PCDH15: variants seen among roughly 807,000 people sequenced by gnomAD.
PCDH15 encodes the protein protocadherin-15.
In PCDH15, 129 loss-of-function variants were observed where a neutral mutation model predicts 178.5. The ratio of observed to expected loss-of-function variants is 0.72; its 90% CI spans 0.63 to 0.84. PCDH15 has a LOEUF of 0.84. Among genes scored for constraint, PCDH15 ranks in the 40% least tolerant of loss-of-function variants. The pLI is 0.00. For synonymous variants in PCDH15, 800 were observed against 732.0 expected (o/e 1.09, Z -1.50); for missense variants, 2,230 against 2,099.9 (o/e 1.06, Z -1.21).
intron 26 of PCDH15, among the ~76,000 whole-genome samples, chr10:53,868,500 G>T (rs1174619574): frequency 1.3e-5 from 2 of 152,054 alleles, no homozygotes; most frequent in East Asian, 3.9e-4. Flanking sequence ...TATGCAGTAG[G>T]TACTAGCCAA....
At chr10:54,609,198 G>A (rs1028322100) in intron 2 of PCDH15, among the ~76,000 whole-genome samples, 2 of 151,946 alleles carry the variant, frequency 1.3e-5, no homozygotes, top group African/African-American at 4.8e-5. Flanking sequence ...AAAATTTTTG[G>A]TAATGTCTGA....
intron 6 of PCDH15, among the ~76,000 whole-genome samples, chr10:54,343,150 G>A (rs2795927): frequency 0.26 from 38,871 of 151,948 alleles, 5,489 homozygotes; most frequent in African/African-American, 0.38. Flanking sequence ...AAGAGGCCAT[G>A]GTTGGAATTA....
intron 2 of PCDH15, among the ~76,000 whole-genome samples, chr10:55,517,710 C>T (rs1421610956): frequency 1.3e-5 from 2 of 152,056 alleles, no homozygotes; most frequent in African/African-American, 2.4e-5. Flanking sequence ...AGATGTTTAT[C>T]GCAGCTTATT....
intron 1 of PCDH15, among the ~76,000 whole-genome samples, chr10:54,682,658 T>C (rs1409595308): frequency 7.9e-5 from 12 of 152,152 alleles, no homozygotes; most frequent in Non-Finnish European, 1.8e-4. Flanking sequence ...GGATGCTGTC[T>C]CAGAGAGCCC....
intron 3 of PCDH15, among the ~76,000 whole-genome samples, chr10:54,847,797 A>ACT (rs1953540500): frequency 6.6e-6 from 1 of 152,210 alleles, no homozygotes; most frequent in African/African-American, 2.4e-5. Context: ...CATTAAATTC[A>ACT]CTAGTATTTT....
chr10:54,079,414 G>A lies in PCDH15; in HGVS notation c.2008C>T (p.Leu670=). The A allele has an allele frequency of 6.2e-7, 1 of 1,613,968 alleles. No individual in the cohort carries two copies. Among genetic ancestry groups the A allele is most frequent in the Non-Finnish European group, 8.5e-7 (1 of 1,179,886 alleles). The change falls in exon 17 of 38, where the codon CTA becomes TTA. Residue 670 remains leucine, a synonymous_variant. Transcript: ENST00000644397. ...CTGTCCAGTGCTTTCCCTAAGGTTA[G>A]AATCCCCGTGCTAGTGACAAAACAA... ...VFNLSETTGI[L]TLGKALDRES... is the part of the protein sequence containing the mutation.
chr10:54,920,286 C>T (rs113711799), intron 2 of PCDH15, among the ~76,000 whole-genome samples: 9,720 of 151,748 alleles, frequency 0.064, 1,006 homozygotes, highest in African/African-American at 0.22. Context: ...GTGGCTAACA[C>T]GGTGAAACCC....
At chr10:54,586,264 G>A (rs17737445) in intron 2 of PCDH15, among the ~76,000 whole-genome samples, 18,954 of 152,114 alleles carry the variant, frequency 0.12, 1,322 homozygotes, top group Non-Finnish European at 0.16. Context: ...AAATATTCTA[G>A]AAATGGAGAA....
intron 21 of PCDH15, among the ~76,000 whole-genome samples, chr10:53,979,768 C>T (rs2090474132): frequency 6.6e-6 from 1 of 152,136 alleles, no homozygotes; most frequent in Admixed American, 6.5e-5. Flanking sequence ...GGTGCTACAA[C>T]TAGAGAACAG....
chr10:54,703,910 T>C (rs1224127471), intron 1 of PCDH15, among the ~76,000 whole-genome samples: 2 of 152,060 alleles, frequency 1.3e-5, no homozygotes, highest in South Asian at 2.1e-4. Flanking sequence ...AGCAGACACA[T>C]AGACCAATGG....
intron 2 of PCDH15, among the ~76,000 whole-genome samples, chr10:55,592,772 G>T (rs1282286549): frequency 6.6e-6 from 1 of 151,936 alleles, no homozygotes; most frequent in African/African-American, 2.4e-5. Flanking sequence ...TTAAAACTAC[G>T]TCAAACTGTT....
intron 2 of PCDH15, among the ~76,000 whole-genome samples, chr10:55,509,130 A>G (rs907306950): frequency 6.6e-6 from 1 of 151,780 alleles, no homozygotes; most frequent in South Asian, 2.1e-4. Context: ...AAGTCCAACC[A>G]ATCTGTCGAG....
intron 3 of PCDH15, among the ~76,000 whole-genome samples, chr10:54,822,549 G>C (rs575151612): frequency 1.2e-4 from 18 of 152,054 alleles, no homozygotes; most frequent in Non-Finnish European, 1.6e-4. Context: ...TGAAAACTTA[G>C]GTTGACTCCA....
chr10:53,966,806 T>A (rs1442214309), intron 21 of PCDH15, among the ~76,000 whole-genome samples: 2 of 151,526 alleles, frequency 1.3e-5, no homozygotes, highest in East Asian at 3.8e-4. Flanking sequence ...ATTAGTTATG[T>A]TTTAAAAACT....
intron 2 of PCDH15, among the ~76,000 whole-genome samples, chr10:55,131,820 G>A (rs1164584785): frequency 6.6e-6 from 1 of 152,094 alleles, no homozygotes; most frequent in African/African-American, 2.4e-5. Flanking sequence ...TGGTCTATAG[G>A]CAGCCATGGT....
At chr10:53,931,010 C>T (rs2085013736) in intron 25 of PCDH15, among the ~76,000 whole-genome samples, 1 of 152,086 alleles carries the variant, frequency 6.6e-6, no homozygotes, top group South Asian at 2.1e-4. Context: ...AATACGGATG[C>T]TTAACAGAAT....
At chr10:54,226,458 G>A (rs2053458981) in intron 9 of PCDH15, among the ~76,000 whole-genome samples, 1 of 152,164 alleles carries the variant, frequency 6.6e-6, no homozygotes, top group Admixed American at 6.5e-5. Context: ...CCAGCACTTT[G>A]GGAGGCTGAG....
intron 18 of PCDH15, among the ~76,000 whole-genome samples, chr10:54,042,195 CTCTTT>C (rs949997330): frequency 7.9e-5 from 12 of 151,978 alleles, no homozygotes; most frequent in South Asian, 2.1e-4. Flanking sequence ...GGTAAATTCT[CTCTTT>C]TAAGTTTTAG....
intron 2 of PCDH15, among the ~76,000 whole-genome samples, chr10:55,165,935 T>A (rs933802219): frequency 3.9e-5 from 6 of 152,120 alleles, no homozygotes; most frequent in South Asian, 2.1e-4. Flanking sequence ...TTCAATGGAT[T>A]TAAAACATTA....
Sources: allele counts gnomAD v4.1 joint callset (sites outside exome capture counted in the v4.1 genomes callset), GRCh38; gene constraint gnomAD v4.1.1; transcripts MANE v1.5; gene names NCBI Gene and HGNC (gene_info 2026-07-23, HGNC 2026-07-21).